The following TBC1D12 variants were observed in gnomAD, a reference collection of about 807,000 sequenced individuals.
TBC1D12 encodes the protein TBC1 domain family member 12.
In TBC1D12, 56 loss-of-function variants were observed where a neutral mutation model predicts 86.7. That is an observed-to-expected ratio of 0.65 (90% CI 0.52 to 0.81). The LOEUF is 0.81. Among genes scored for constraint, TBC1D12 ranks in the 30% least tolerant of loss-of-function variants. The pLI is 0.00. For synonymous variants in TBC1D12, 421 were observed against 411.7 expected, an observed-to-expected ratio of 1.02 and a Z score of -0.27; for missense variants, 1,023 against 1,038.8, an observed-to-expected ratio of 0.98 and a Z score of 0.21.
intron 1 of TBC1D12, among the ~76,000 whole-genome samples, chr10:94,411,964 A>AG (rs1447707140): frequency 6.6e-6 from 1 of 152,176 alleles, no homozygotes; most frequent in Non-Finnish European, 1.5e-5. Flanking sequence ...TCCAAAAAAA[A>AG]AGAGAAAATT....
chr10:94,449,669 T>G (rs2055520837), intron 2 of TBC1D12, among the ~76,000 whole-genome samples: 1 of 152,236 alleles, frequency 6.6e-6, no homozygotes, highest in Non-Finnish European at 1.5e-5. Context: ...TAATGTGGTT[T>G]AACACTAACC....
chr10:94,433,837 C>T (rs542789472), intron 1 of TBC1D12, among the ~76,000 whole-genome samples: 19 of 152,208 alleles, frequency 1.2e-4, no homozygotes, highest in Admixed American at 6.5e-4. Context: ...ATAATTTATA[C>T]ATGTAACTCT....
chr10:94,530,854 CTTTTTTT>C (rs71031584), intron 11 of TBC1D12, among the ~76,000 whole-genome samples: 1 of 102,662 alleles, frequency 9.7e-6, no homozygotes, highest in Admixed American at 1.1e-4. Context: ...GGGAGGAAGC[CTTTTTTT>C]TTTTTTTTTT....
intron 11 of TBC1D12, among the ~76,000 whole-genome samples, chr10:94,530,398 C>T (rs943998925): frequency 1.3e-5 from 2 of 152,008 alleles, no homozygotes; most frequent in Non-Finnish European, 2.9e-5. Flanking sequence ...CAAAACAAAA[C>T]AATGGATGTT....
At chr10:94,407,612 G>T (rs2054873863) in intron 1 of TBC1D12, among the ~76,000 whole-genome samples, 1 of 151,914 alleles carries the variant, frequency 6.6e-6, no homozygotes, top group Non-Finnish European at 1.5e-5. Context: ...AGAACCCTGG[G>T]GGGAGGTTGC....
At chr10:94,525,695 G>A (rs923492733) in intron 11 of TBC1D12, among the ~76,000 whole-genome samples, 4 of 149,412 alleles carry the variant, frequency 2.7e-5, no homozygotes, top group African/African-American at 7.4e-5. Flanking sequence ...CAAAAAAACC[G>A]TAATTGCAAC....
At position 94,531,188 on chromosome 10, in the gene TBC1D12, C is replaced by G; in HGVS notation, c.2001-14C>G. 3 of 1,591,314 alleles carry G rather than the reference C, an allele frequency of 1.9e-6. No individual in the cohort carries two copies. The highest frequency in any genetic ancestry group is 1.7e-6 in the Non-Finnish European group (2 of 1,167,220). ...ATGAAAAATTTCAGTGACCATTTTT[C>G]CCTCTAATTTTAGGATCTTCACACT... On this transcript the variant is annotated splice_polypyrimidine_tract_variant and intron_variant, in intron 11 of 12. Transcript: ENST00000225235.
At chr10:94,446,936 A>G (rs11187953) in intron 2 of TBC1D12, among the ~76,000 whole-genome samples, 24,012 of 151,232 alleles carry the variant, frequency 0.16, 2,238 homozygotes, top group East Asian at 0.38. Flanking sequence ...TAATGGCCAT[A>G]GTGGTGCTTA....
In TBC1D12 at chr10:94,459,689, C is replaced by T. The variant is rs184776143; in HGVS notation, c.1096-14979C>T. Among the ~76,000 whole-genome samples the T allele has an allele frequency of 3.2e-3, 488 of 152,314 alleles. 2 individuals carry two copies. Among genetic ancestry groups the T allele is most frequent in the African/African-American group, 0.011 (470 of 41,574 alleles). On this transcript the variant is annotated intron_variant, in intron 2 of 12. Coordinates refer to ENST00000225235, the MANE Select transcript of TBC1D12 (RefSeq NM_015188.2). ...AGCGAGAATTTGAGTGCGGCACGGG[C>T]AGGCTGGCAGTGCTGGGGGACCCGG...
chr10:94,509,762 G>C (rs552667977), intron 7 of TBC1D12: 1 of 259,030 alleles, frequency 3.9e-6, no homozygotes, highest in Admixed American at 6.1e-5. Context: ...TGATCTCTCT[G>C]TGTCCATAGC....
At chr10:94,438,261 A>T (rs1389015997) in intron 1 of TBC1D12, among the ~76,000 whole-genome samples, 2 of 150,128 alleles carry the variant, frequency 1.3e-5, no homozygotes, top group African/African-American at 4.9e-5. Flanking sequence ...CCTGTTTGTG[A>T]CTTTACAAGC....
intron 2 of TBC1D12, among the ~76,000 whole-genome samples, chr10:94,449,121 G>GT (rs1204116087): frequency 1.3e-5 from 2 of 151,396 alleles, no homozygotes; most frequent in East Asian, 1.9e-4. Context: ...TTGAGGGGAC[G>GT]TTTTTTCATT....
chr10:94,447,581 C>T, intron 2 of TBC1D12: 1 of 980,232 alleles, frequency 1.0e-6, no homozygotes, highest in Non-Finnish European at 1.2e-6. Flanking sequence ...TCCAAAATCA[C>T]AAGAACATTC....
chr10:94,455,940 CAT>C (rs980348706), intron 2 of TBC1D12, among the ~76,000 whole-genome samples: 2 of 150,982 alleles, frequency 1.3e-5, no homozygotes, highest in African/African-American at 4.9e-5. Context: ...CTTAAGACTC[CAT>C]CTCAAAAAAG....
chr10:94,531,419 G>T lies in TBC1D12; in HGVS notation c.2218G>T (p.Ala740Ser). The change falls in exon 12 of 13, where the codon GCA (alanine) becomes TCA (serine). Residue 740 changes from alanine (A) to serine (S), a missense_variant. Ala to Ser is a moderately conservative substitution (Grantham distance 99, BLOSUM62 1). Coordinates refer to ENST00000225235, the MANE Select transcript of TBC1D12 (RefSeq NM_015188.2). ...ATCGGAAAAGCTGTTCAGTTGTATT[G>T]CAGCCATTCAGATGCAGAATAGCAC... Reference protein sequence around the residue: ...ITSEKLFSCIAAIQMQNSTKK... With the variant: ...ITSEKLFSCISAIQMQNSTKK... The T allele has an allele frequency of 6.2e-7, 1 of 1,614,008 alleles. No individual in the cohort carries two copies.
chr10:94,476,212 A>T (rs911763909), intron 3 of TBC1D12, among the ~76,000 whole-genome samples: 2 of 152,064 alleles, frequency 1.3e-5, no homozygotes, highest in African/African-American at 4.8e-5. Flanking sequence ...CCTGATGAGC[A>T]TAATAAAATA....
chr10:94,432,500 C>G (rs974079703), intron 1 of TBC1D12, among the ~76,000 whole-genome samples: 4 of 152,106 alleles, frequency 2.6e-5, no homozygotes, highest in African/African-American at 9.7e-5. Context: ...GTGTTTGTGG[C>G]AGGGAATAAC....
At chr10:94,519,500 TG>T (rs1842084845) in intron 9 of TBC1D12, among the ~76,000 whole-genome samples, 2 of 152,276 alleles carry the variant, frequency 1.3e-5, no homozygotes, top group South Asian at 4.2e-4. Flanking sequence ...GAGACCAGCC[TG>T]GGCAACATAG....
chr10:94,437,569 A>C (rs10882454), intron 1 of TBC1D12, among the ~76,000 whole-genome samples: 59,796 of 151,800 alleles, frequency 0.39, 12,468 homozygotes, highest in East Asian at 0.73. Flanking sequence ...TTTGTGATCC[A>C]CTTGCCTTGG....
Sources: allele counts gnomAD v4.1 joint callset (sites outside exome capture counted in the v4.1 genomes callset), GRCh38; gene constraint gnomAD v4.1.1; transcripts MANE v1.5; gene names NCBI Gene and HGNC (gene_info 2026-07-23, HGNC 2026-07-21).